Variants in MGAT3 observed in about 807,000 individuals in gnomAD.
MGAT3 encodes the protein GlcNAc-T III.
MGAT3 carries 9 observed loss-of-function variants against 29.8 expected under a neutral mutation model. The observed-to-expected ratio is 0.30, with a 90% CI of 0.18 to 0.53. The LOEUF is 0.53. Ranked by LOEUF, MGAT3 falls within the 20% of genes least tolerant of loss-of-function variation. The probability of loss-of-function intolerance (pLI) is 0.96; values close to 1 mark genes in which losing one functional copy is unlikely to be tolerated. For missense variants in MGAT3, 557 were observed against 769.5 expected (o/e 0.72, Z 3.27); for synonymous variants, 397 against 348.9 (o/e 1.14, Z -1.54).
At position 39,488,355 on chromosome 22, in the gene MGAT3, G is replaced by T; in HGVS notation, c.1008G>T (p.Trp336Cys). 1 of 1,612,588 alleles carries T rather than the reference G, an allele frequency of 6.2e-7. No individual in the cohort carries two copies. ...GVLFLKLYDG[W>C]TEPFAFHMRK... ...TTTTCCTCAAGCTCTACGATGGCTG[G>T]ACCGAGCCCTTCGCCTTCCACATGC... Residue 336 changes from tryptophan (W) to cysteine (C), a missense_variant, in exon 2 of 2, where the codon TGG (tryptophan) becomes TGT (cysteine). By Grantham distance (215) the Trp-to-Cys change is radical. Coordinates refer to ENST00000341184, the MANE Select transcript of MGAT3 (RefSeq NM_002409.5).
chr22:39,482,390 C>T (rs1412931717), intron 1 of MGAT3, among the ~76,000 whole-genome samples: 1 of 152,184 alleles, frequency 6.6e-6, no homozygotes. Context: ...ACAGAGGGAT[C>T]TGGTGGTCTC....
chr22:39,459,113 G>A (rs555037974), intron 1 of MGAT3, among the ~76,000 whole-genome samples: 149 of 149,216 alleles, frequency 1.0e-3, no homozygotes, highest in Admixed American at 1.6e-3. Context: ...TCACTCTGTC[G>A]CCCAGGCTGG....
chr22:39,489,103 T>C lies in MGAT3; in HGVS notation c.*154T>C, dbSNP rs545491052. Reference sequence around the variant, plus strand: ...TAGGGTTTCCCTACTGAAGCCCTTGTGAATCAAGGGTCAGGCCTTTGAGCT... The same window carrying C: ...TAGGGTTTCCCTACTGAAGCCCTTGCGAATCAAGGGTCAGGCCTTTGAGCT... On this transcript the variant is annotated 3_prime_UTR_variant, in exon 2 of 2. Coordinates refer to ENST00000341184, the MANE Select transcript of MGAT3 (RefSeq NM_002409.5). 2.0e-6 allele frequency: 2 copies of C among 1,023,132 alleles called. No homozygotes were observed. The highest frequency in any genetic ancestry group is 2.6e-5 in the East Asian group (1 of 38,186). The allele number at this position is 1,023,132 out of a possible 1,614,324, so 63.4% of individuals were successfully genotyped here.
At chr22:39,469,344 C>G (rs1298551728) in intron 1 of MGAT3, among the ~76,000 whole-genome samples, 1 of 152,166 alleles carries the variant, frequency 6.6e-6, no homozygotes. Flanking sequence ...CACAGAGGGT[C>G]TCAGGCCAGA....
chr22:39,488,884 T>C lies in MGAT3; in HGVS notation c.1537T>C (p.Trp513Arg), dbSNP rs945629671. Reference sequence around the variant, plus strand: ...GCCCAGGAGCACGGCGGCGGGCGGGTGGCGCCACAGGGGTCCCGAGGGAAG... The same window carrying C: ...GCCCAGGAGCACGGCGGCGGGCGGGCGGCGCCACAGGGGTCCCGAGGGAAG... ...QEPRSTAAGG[W>R]RHRGPEGRPP... The change falls in exon 2 of 2, where the codon TGG (tryptophan) becomes CGG (arginine). Residue 513 changes from tryptophan to arginine, a missense_variant. Trp to Arg is a moderately radical substitution (Grantham distance 101). Transcript: ENST00000341184. The C allele has an allele frequency of 6.3e-7, 1 of 1,592,594 alleles. No individual in the cohort carries two copies. Among genetic ancestry groups the C allele is most frequent in the Non-Finnish European group, 8.5e-7 (1 of 1,171,054 alleles).
Position 39,487,829 on chromosome 22 carries a change from G to T in MGAT3, c.482G>T (p.Gly161Val). 6.6e-7 allele frequency: 1 copy of T among 1,505,494 alleles called. No individual in the cohort carries two copies. The highest frequency in any genetic ancestry group is 8.8e-7 in the Non-Finnish European group (1 of 1,130,480). The allele number at this position is 1,505,494 out of a possible 1,614,324, so 93.3% of individuals were successfully genotyped here. The change falls in exon 2 of 2, where the codon GGC becomes GTC. Residue 161 changes from glycine (G) to valine (V), a missense_variant. Around this residue, in one of 3 missense-constraint regions of MGAT3, gnomAD observed 212 missense variants for 228.5 expected, o/e 0.93. Transcript: ENST00000341184. This position sits in a 1 kb window ranked among gnomAD's most constrained non-coding sequence, Gnocchi z 5.7. ...CTGAGCGCCCGGGAGCGCACGGGGG[G>T]CCGAGGCGCCCGGCGCAAGTGGGTG... Reference protein sequence around the residue: ...YLLSARERTGGRGARRKWVEC... With the variant: ...YLLSARERTGVRGARRKWVEC...
rs753016802 is a variant in MGAT3, at chr22:39,487,303, C to T, written c.-1-44C>T. The T allele has an allele frequency of 6.4e-7, 1 of 1,566,238 alleles. No homozygotes were observed. Among genetic ancestry groups the T allele is most frequent in the South Asian group, 1.2e-5 (1 of 85,836 alleles). On this transcript the variant is annotated intron_variant, in intron 1 of 1. Coordinates refer to ENST00000341184, the MANE Select transcript of MGAT3 (RefSeq NM_002409.5). The surrounding 1 kb of genome is among the most constrained non-coding windows in gnomAD (Gnocchi z 5.7). ...CTAGGTCCCCTTCCTAGGAAAGGAG[C>T]CTGGGCTGCCCTGATGAGTCTCCTG...
At chr22:39,486,354 A>C (rs1343788988) in intron 1 of MGAT3, 1 of 265,734 alleles carries the variant, frequency 3.8e-6, no homozygotes, top group African/African-American at 2.4e-5. Flanking sequence ...CATGTTGGCC[A>C]GGCTGGTCTC....
At chr22:39,461,321 G>C (rs780720049) in intron 1 of MGAT3, among the ~76,000 whole-genome samples, 1 of 152,158 alleles carries the variant, frequency 6.6e-6, no homozygotes, top group Non-Finnish European at 1.5e-5. Flanking sequence ...GGGCTTTCAG[G>C]GGGAGGCATG....
chr22:39,463,921 T>TAA (rs111876968), intron 1 of MGAT3, among the ~76,000 whole-genome samples: 28 of 149,300 alleles, frequency 1.9e-4, no homozygotes, highest in Admixed American at 6.7e-4. Flanking sequence ...TCTCAAAAAT[T>TAA]AAAAAAAAAT....
intron 1 of MGAT3, among the ~76,000 whole-genome samples, chr22:39,472,243 G>A (rs1032501060): frequency 6.6e-6 from 1 of 152,088 alleles, no homozygotes; most frequent in Non-Finnish European, 1.5e-5. Context: ...CCTCCAAAAG[G>A]CTATGGACTC....
At chr22:39,480,101 G>T (rs1489132560) in intron 1 of MGAT3, among the ~76,000 whole-genome samples, 1 of 152,212 alleles carries the variant, frequency 6.6e-6, no homozygotes, top group Non-Finnish European at 1.5e-5. Flanking sequence ...ATGAGGAGCT[G>T]GGGGAGGTTG....
chr22:39,462,855 T>C (rs544357619), intron 1 of MGAT3, among the ~76,000 whole-genome samples: 2 of 152,350 alleles, frequency 1.3e-5, no homozygotes, highest in African/African-American at 4.8e-5. Context: ...GTTTATGAAC[T>C]TATTTGGCTC....
At position 39,487,745 on chromosome 22, in the gene MGAT3, C is replaced by G; in HGVS notation, c.398C>G (p.Pro133Arg). 1 of 1,535,740 alleles carries G rather than the reference C, an allele frequency of 6.5e-7. No individual in the cohort carries two copies. Among genetic ancestry groups the G allele is most frequent in the Non-Finnish European group, 8.7e-7 (1 of 1,144,450 alleles). The change falls in exon 2 of 2, where the codon CCG (proline) becomes CGG (arginine). Residue 133 changes from proline (P) to arginine (R), a missense_variant. Coordinates refer to ENST00000341184, the MANE Select transcript of MGAT3 (RefSeq NM_002409.5). This position sits in a 1 kb window ranked among gnomAD's most constrained non-coding sequence, Gnocchi z 5.7. ...KMLERPPPGR[P>R]EEKPEGANGS... Reference sequence around the variant, plus strand: ...CTGGAGAGGCCGCCCCCGGGACGGCCGGAGGAGAAGCCTGAGGGGGCCAAC... The same window carrying G: ...CTGGAGAGGCCGCCCCCGGGACGGCGGGAGGAGAAGCCTGAGGGGGCCAAC...
chr22:39,477,785 G>A (rs1446618457), intron 1 of MGAT3: 1 of 152,264 alleles, frequency 6.6e-6, no homozygotes, highest in Non-Finnish European at 1.5e-5. Context: ...CAGACTTCCA[G>A]TAACAGTGGA....
intron 1 of MGAT3, among the ~76,000 whole-genome samples, chr22:39,458,627 T>C (rs1928410846): frequency 6.6e-6 from 1 of 151,956 alleles, no homozygotes; most frequent in East Asian, 1.9e-4. Flanking sequence ...CTCTGGGTCC[T>C]AGGAAGGTTT....
chr22:39,457,970 C>A lies in MGAT3; in HGVS notation c.-2+413C>A, dbSNP rs1200643852. 2.6e-5 allele frequency among the ~76,000 whole-genome samples: 4 copies of A among 151,958 alleles called. No homozygotes were observed. The highest frequency in any genetic ancestry group is 5.9e-5 in the Non-Finnish European group (4 of 67,952). On this transcript the variant is annotated intron_variant, in intron 1 of 1. Transcript: ENST00000341184. This position sits in a 1 kb window ranked among gnomAD's most constrained non-coding sequence, Gnocchi z 6.8. ...GGGCTGGGGTGGGAGGCCTCCGCGC[C>A]CGCCTTCCCCACCCCCGACCCCAGA...
In MGAT3 at chr22:39,488,707, T is replaced by C; in HGVS notation, c.1360T>C (p.Tyr454His). The change falls in exon 2 of 2, where the codon TAC (tyrosine) becomes CAC (histidine). Residue 454 changes from tyrosine to histidine, a missense_variant. Transcript: ENST00000341184. Reference protein sequence around the residue: ...GDYEDKRDLNYIRGLIRTGGW... With the variant: ...GDYEDKRDLNHIRGLIRTGGW... The stretch of plus-strand genomic sequence containing the variant: ...CTACGAGGACAAGCGGGACCTGAAC[T>C]ACATCCGCGGCCTGATCCGCACCGG... 2 of 1,613,834 alleles carry C rather than the reference T, an allele frequency of 1.2e-6. No individual in the cohort carries two copies. The highest frequency in any genetic ancestry group is 1.7e-6 in the Non-Finnish European group (2 of 1,179,994).
chr22:39,473,531 A>G (rs564935571), intron 1 of MGAT3, among the ~76,000 whole-genome samples: 1 of 152,140 alleles, frequency 6.6e-6, no homozygotes, highest in South Asian at 2.1e-4. Flanking sequence ...CCTCAACACC[A>G]CTGCACTGGG....
Sources: gnomAD v4.1 joint callset for allele counts (sites outside exome capture counted in the v4.1 genomes callset) on GRCh38, gnomAD v4.1.1 for gene constraint, gnomAD v4.1.1 regional missense constraint, Gnocchi (gnomAD v3.1) non-coding constraint, MANE v1.5 for transcripts, NCBI Gene and HGNC (gene_info 2026-07-23, HGNC 2026-07-21) for gene names.